The following DOCK1 variants were observed in gnomAD, a reference collection of about 807,000 sequenced individuals.
DOCK1 encodes dedicator of cytokinesis 1.
A neutral mutation model predicts 262.7 loss-of-function variants in DOCK1; 138 were observed. The observed-to-expected ratio is 0.53, with a 90% confidence interval of 0.46 to 0.61. DOCK1 has a LOEUF of 0.61. DOCK1 is among the 20% of genes least tolerant of loss of function. DOCK1 has a pLI of 0.00. For missense variants in DOCK1, 1,908 were observed against 2,370.7 expected (o/e 0.80, Z 4.05); for synonymous variants, 866 against 867.4 (o/e 1.00, Z 0.03).
chr10:127,240,339 G>T (rs1239165060), intron 27 of DOCK1, among the ~76,000 whole-genome samples: 17 of 148,730 alleles, frequency 1.1e-4, no homozygotes. Flanking sequence ...TGTAATATTT[G>T]GGAGATTAAA....
intron 27 of DOCK1, among the ~76,000 whole-genome samples, chr10:127,185,977 C>T (rs1238409298): frequency 3.9e-5 from 6 of 152,180 alleles, no homozygotes; most frequent in Admixed American, 1.3e-4. Flanking sequence ...TTCTTGGGTA[C>T]TCCCAAGATA....
chr10:127,382,286 T>G (rs1167203186), intron 37 of DOCK1, among the ~76,000 whole-genome samples: 1 of 152,186 alleles, frequency 6.6e-6, no homozygotes, highest in Non-Finnish European at 1.5e-5. Context: ...TAATAGGAGT[T>G]AAGGAAGACA....
intron 1 of DOCK1, 118 bp downstream of exon 1, chr10:126,905,681 C>CCGCCCG (rs1207601211): frequency 8.5e-4 from 127 of 148,944 alleles, no homozygotes; most frequent in African/African-American, 3.0e-3. Flanking sequence ...AGAGGCGCTT[C>CCGCCCG]CGCCCGCGCC....
In DOCK1 at chr10:127,425,863, C is replaced by G. The variant is rs368462183; in HGVS notation, c.4777-11C>G. 48 of 1,613,992 alleles carry G rather than the reference C, an allele frequency of 3.0e-5. No homozygotes were observed. The African/African-American group carries it at 5.3e-4, about 18-fold the overall frequency. Reference sequence around the variant, plus strand: ...CAAGAAATAAGGAATGTCAACCTCTCTGTTTTCCAGATTCCTTTTCTGGCC... The same window carrying G: ...CAAGAAATAAGGAATGTCAACCTCTGTGTTTTCCAGATTCCTTTTCTGGCC... On this transcript the variant is annotated splice_polypyrimidine_tract_variant and intron_variant, in intron 46 of 51. Transcript: ENST00000623213.
At chr10:127,023,542 C>CTTTTTTTT (rs10652401) in intron 14 of DOCK1, among the ~76,000 whole-genome samples, 1 of 124,378 alleles carries the variant, frequency 8.0e-6, no homozygotes, top group East Asian at 2.3e-4. Context: ...TCCCTGTGGT[C>CTTTTTTTT]TTTTTTTTTT....
At chr10:127,032,532 A>G (rs144832761) in intron 18 of DOCK1, among the ~76,000 whole-genome samples, 53 of 152,246 alleles carry the variant, frequency 3.5e-4, no homozygotes, top group African/African-American at 1.3e-3. Context: ...ACTCTGGTCT[A>G]AGGGTTATTC....
intron 36 of DOCK1, 120 bp downstream of exon 36, chr10:127,380,242 C>A: frequency 1.2e-6 from 1 of 816,538 alleles, no homozygotes; most frequent in Admixed American, 3.5e-5. Flanking sequence ...AATTGTGAAA[C>A]GTATAAGGTA....
intron 27 of DOCK1, among the ~76,000 whole-genome samples, chr10:127,218,671 CT>C (rs34159082): frequency 2.0e-5 from 3 of 152,272 alleles, no homozygotes; most frequent in Admixed American, 6.5e-5. Flanking sequence ...TGTCTCTTAC[CT>C]TTTTTTCCCT....
intron 44 of DOCK1, among the ~76,000 whole-genome samples, chr10:127,417,828 AG>A (rs1431907266): frequency 6.6e-6 from 1 of 152,012 alleles, no homozygotes; most frequent in Non-Finnish European, 1.5e-5. Flanking sequence ...CGCCCACCTC[AG>A]CCTCCCAAAG....
intron 27 of DOCK1, among the ~76,000 whole-genome samples, chr10:127,243,383 A>G (rs1270509884): frequency 6.6e-6 from 1 of 151,964 alleles, no homozygotes; most frequent in Non-Finnish European, 1.5e-5. Flanking sequence ...CTGTCACTGA[A>G]TGTCCCCCTG....
chr10:127,364,887 C>A (rs1057425709), intron 33 of DOCK1, among the ~76,000 whole-genome samples: 2 of 151,812 alleles, frequency 1.3e-5, no homozygotes. Context: ...TCCATGATAG[C>A]AGAAGGTCTC....
intron 20 of DOCK1, 122 bp downstream of exon 20, chr10:127,042,836 A>T (rs1410483984): frequency 9.2e-7 from 1 of 1,087,656 alleles, no homozygotes; most frequent in Non-Finnish European, 1.3e-6. Context: ...TTGTAAATCC[A>T]ATCAGAGATG....
At chr10:127,383,012 A>T (rs1416620596) in intron 37 of DOCK1, among the ~76,000 whole-genome samples, 1 of 152,084 alleles carries the variant, frequency 6.6e-6, no homozygotes, top group Non-Finnish European at 1.5e-5. Flanking sequence ...ACATTTTGCA[A>T]TTTTTTCTAA....
At chr10:127,143,667 A>G (rs1197295987) in intron 27 of DOCK1, among the ~76,000 whole-genome samples, 1 of 152,176 alleles carries the variant, frequency 6.6e-6, no homozygotes, top group Non-Finnish European at 1.5e-5. Flanking sequence ...TGTGAGTGCC[A>G]TGGGCAACAC....
In DOCK1 at chr10:127,031,647, C is replaced by T; in HGVS notation, c.1625-3C>T. The stretch of plus-strand genomic sequence containing the variant: ...ATCAATTTTTTTGTTTTTTGTTTTA[C>T]AGCTAAGGATAAATCTGAGAAAATA... On this transcript the variant is annotated splice_region_variant and splice_polypyrimidine_tract_variant and intron_variant, in intron 16 of 51. Coordinates refer to ENST00000623213, the MANE Select transcript of DOCK1 (RefSeq NM_001290223.2). 1 of 1,600,756 alleles carries T rather than the reference C, an allele frequency of 6.2e-7. No individual in the cohort carries two copies. The highest frequency in any genetic ancestry group is 8.5e-7 in the Non-Finnish European group (1 of 1,176,240).
In DOCK1 at chr10:127,032,265, C is replaced by T; in HGVS notation, c.1857C>T (p.Ser619=). The change falls in exon 18 of 52, where the codon AGC becomes AGT. Residue 619 remains serine (S), a synonymous_variant. Coordinates refer to ENST00000623213, the MANE Select transcript of DOCK1 (RefSeq NM_001290223.2). The part of the protein sequence containing the change: ...SMQSLGSCTI[S]KDSFQISTLV... ...AGAGCCTTGGGAGCTGCACCATTAGCAAGGACTCCTTCCAGATCTCCACGC... is the reference window on the plus strand; with the variant it reads ...AGAGCCTTGGGAGCTGCACCATTAGTAAGGACTCCTTCCAGATCTCCACGC... 1.3e-6 allele frequency: 2 copies of T among 1,595,944 alleles called. No individual in the cohort carries two copies. The highest frequency in any genetic ancestry group is 8.5e-7 in the Non-Finnish European group (1 of 1,172,272).
intron 33 of DOCK1, among the ~76,000 whole-genome samples, chr10:127,370,156 C>T (rs1413080271): frequency 6.6e-6 from 1 of 152,202 alleles, no homozygotes; most frequent in East Asian, 1.9e-4. Flanking sequence ...AGTCTGATTC[C>T]TTGGTGCCCT....
chr10:127,112,430 G>C (rs980663776), intron 25 of DOCK1, among the ~76,000 whole-genome samples: 1 of 152,148 alleles, frequency 6.6e-6, no homozygotes, highest in Non-Finnish European at 1.5e-5. Context: ...ATTGTGTTCT[G>C]TCCCTCTTTC....
In DOCK1 at chr10:127,350,805, G is replaced by A. The variant is rs1019071355; in HGVS notation, c.3225-3864G>A. Among the ~76,000 whole-genome samples the A allele has an allele frequency of 3.9e-5, 6 of 152,008 alleles. No homozygotes were observed. The South Asian group carries it at 6.2e-4, about 16-fold the overall frequency. On this transcript the variant is annotated intron_variant, in intron 31 of 51. Transcript: ENST00000623213. ...TCAATAAATGTTCACTAAATGAATC[G>A]ATCTAAATGACCATTGCAACCATGA...
Sources: gnomAD v4.1 joint callset for allele counts (sites outside exome capture counted in the v4.1 genomes callset) on GRCh38, gnomAD v4.1.1 for gene constraint, MANE v1.5 for transcripts, NCBI Gene and HGNC (gene_info 2026-07-23, HGNC 2026-07-21) for gene names.